ANK3: variants seen among roughly 807,000 people sequenced by gnomAD.
The protein encoded by ANK3 is ankyrin 3.
ANK3 carries 57 observed loss-of-function variants against 370.9 expected under a neutral mutation model. That is an observed-to-expected ratio of 0.15 (90% CI 0.12 to 0.19). ANK3 has a LOEUF of 0.19. ANK3 is among the 10% of genes least tolerant of loss of function. The probability of loss-of-function intolerance (pLI) is 1.00; values close to 1 mark genes in which losing one functional copy is unlikely to be tolerated. For missense variants in ANK3, 4,439 were observed against 5,302.1 expected (o/e 0.84, Z 5.06); for synonymous variants, 1,929 against 1,946.3 (o/e 0.99, Z 0.23).
At chr10:60,083,320 A>G (rs749623949) in intron 33 of ANK3, among the ~76,000 whole-genome samples, 172 bp downstream of exon 33, 5 of 152,256 alleles carry the variant, frequency 3.3e-5, no homozygotes, top group African/African-American at 4.8e-5. Context: ...CCAATTGTAA[A>G]GCTTTACTGG....
At chr10:60,179,904 G>A (rs189292417) in intron 18 of ANK3, among the ~76,000 whole-genome samples, 1 of 152,114 alleles carries the variant, frequency 6.6e-6, no homozygotes, top group East Asian at 1.9e-4. Context: ...ATGTGCTGGG[G>A]CAGAAAAATG....
At position 60,399,479 on chromosome 10, in the gene ANK3, C is replaced by T. The variant is rs537702405; in HGVS notation, c.97-119840G>A. Among the ~76,000 whole-genome samples, 4 of 152,258 alleles carry T rather than the reference C, an allele frequency of 2.6e-5. No homozygotes were observed. The South Asian group carries it at 8.3e-4, about 32-fold the overall frequency. ...TAGCAATGAGGAAAGGCCCAAGTTT[C>T]ACCTCAAGGTTGTTATTAAATTCTA... is the stretch of plus-strand genomic sequence containing the variant. On this transcript the variant is annotated intron_variant, in intron 2 of 43. Coordinates refer to the ANK3 transcript ENST00000373827.
At chr10:60,232,390 G>A (rs997101805) in intron 8 of ANK3, among the ~76,000 whole-genome samples, 2 of 152,070 alleles carry the variant, frequency 1.3e-5, no homozygotes, top group Admixed American at 1.3e-4. Flanking sequence ...GTGATAATCA[G>A]GCAACAGATG....
At chr10:60,298,063 T>C (rs1383108322) in intron 1 of ANK3, among the ~76,000 whole-genome samples, 2 of 152,192 alleles carry the variant, frequency 1.3e-5, no homozygotes, top group African/African-American at 4.8e-5. Flanking sequence ...CATTATAGGG[T>C]AACTTCACAG....
chr10:60,415,915 T>TTC (rs2063652402), intron 2 of ANK3, among the ~76,000 whole-genome samples: 1 of 94,726 alleles, frequency 1.1e-5, no homozygotes, highest in African/African-American at 4.0e-5. Context: ...TCTGAATTTG[T>TTC]GCCCCCCACC....
chr10:60,186,169 CTA>C (rs2096323306), intron 17 of ANK3, among the ~76,000 whole-genome samples: 1 of 152,094 alleles, frequency 6.6e-6, no homozygotes, highest in Admixed American at 6.5e-5. Flanking sequence ...TTCTTCTTTG[CTA>C]TGTTATGGTG....
chr10:60,138,696 C>A, intron 24 of ANK3: 1 of 498,374 alleles, frequency 2.0e-6, no homozygotes, highest in Non-Finnish European at 3.5e-6. Flanking sequence ...TCAGTGAGCT[C>A]TTTTGCTACT....
intron 2 of ANK3, among the ~76,000 whole-genome samples, chr10:60,544,466 A>G (rs1478336843): frequency 6.6e-6 from 1 of 152,122 alleles, no homozygotes; most frequent in Non-Finnish European, 1.5e-5. Context: ...CTCATTTGAA[A>G]TATGGCTTTC....
chr10:60,643,021 G>T (rs2078657782), intron 1 of ANK3, among the ~76,000 whole-genome samples: 1 of 152,046 alleles, frequency 6.6e-6, no homozygotes, highest in Admixed American at 6.6e-5. Flanking sequence ...TGTATTTTGA[G>T]ATTTTTTTCA....
At chr10:60,384,880 G>C (rs1385040849) in intron 1 of ANK3, among the ~76,000 whole-genome samples, 2 of 152,110 alleles carry the variant, frequency 1.3e-5, no homozygotes, top group Non-Finnish European at 2.9e-5. Flanking sequence ...CCATTGCCAA[G>C]TTCTACTGAG....
intron 1 of ANK3, among the ~76,000 whole-genome samples, chr10:60,616,436 A>G (rs190354569): frequency 6.6e-6 from 1 of 152,162 alleles, no homozygotes; most frequent in Non-Finnish European, 1.5e-5. Flanking sequence ...TCTCACATAT[A>G]CAGTGTTTTA....
chr10:60,186,681 T>G, intron 17 of ANK3, 34 bp downstream of exon 17: 1 of 1,607,262 alleles, frequency 6.2e-7, no homozygotes, highest in Non-Finnish European at 8.5e-7. Context: ...GGTTTTGGTG[T>G]GCTGCATGCT....
chr10:60,206,607 G>A (rs2096767068), intron 10 of ANK3, among the ~76,000 whole-genome samples: 1 of 152,082 alleles, frequency 6.6e-6, no homozygotes, highest in African/African-American at 2.4e-5. Flanking sequence ...TGTGTTTTAG[G>A]ACAACTACAA....
At chr10:60,041,904 G>A (rs768512573) in intron 43 of ANK3, among the ~76,000 whole-genome samples, 3 of 152,052 alleles carry the variant, frequency 2.0e-5, no homozygotes, top group African/African-American at 7.2e-5. Context: ...ACTAGAATCT[G>A]TTTGCTCTTT....
chr10:60,127,768 G>A (rs555397659), intron 25 of ANK3, among the ~76,000 whole-genome samples: 1 of 146,150 alleles, frequency 6.8e-6, no homozygotes, highest in Non-Finnish European at 1.5e-5. Context: ...GTGCGATCTC[G>A]GCTCACTGCA....
chr10:60,476,989 T>C (rs1329761692), intron 2 of ANK3, among the ~76,000 whole-genome samples: 2 of 152,022 alleles, frequency 1.3e-5, no homozygotes, highest in African/African-American at 2.4e-5. Flanking sequence ...GGTGGCACAC[T>C]AAAGGAAAGA....
chr10:60,325,135 A>G (rs1451301560), intron 1 of ANK3, among the ~76,000 whole-genome samples: 1 of 152,230 alleles, frequency 6.6e-6, no homozygotes, highest in East Asian at 1.9e-4. Context: ...AGCAACAATG[A>G]ATCTGAGTAT....
intron 23 of ANK3, among the ~76,000 whole-genome samples, chr10:60,150,158 C>G (rs1307702723): frequency 1.3e-5 from 2 of 152,102 alleles, no homozygotes; most frequent in East Asian, 3.9e-4. Context: ...TTATGTGTGC[C>G]CAGAGTTTTC....
chr10:60,709,257 A>G (rs2079664875), intron 1 of ANK3, among the ~76,000 whole-genome samples: 1 of 152,010 alleles, frequency 6.6e-6, no homozygotes, highest in South Asian at 2.1e-4. Flanking sequence ...ACTTCTCCAG[A>G]GAAACAGAAC....
Sources: allele counts gnomAD v4.1 joint callset (sites outside exome capture counted in the v4.1 genomes callset), GRCh38; gene constraint gnomAD v4.1.1; transcripts MANE v1.5; gene names NCBI Gene and HGNC (gene_info 2026-07-23, HGNC 2026-07-21).